The following CDHR2 variants were observed in gnomAD, a reference collection of about 807,000 sequenced individuals.
CDHR2 encodes cadherin-related family member 2.
Under a neutral mutation model 138.6 loss-of-function variants are expected in CDHR2, and 104 were observed. That is an observed-to-expected ratio of 0.75 (90% CI 0.64 to 0.88). The LOEUF is 0.88. Ranked by LOEUF, CDHR2 falls within the 40% of genes least tolerant of loss-of-function variation. The pLI is 0.00. For synonymous variants in CDHR2, 755 were observed against 742.8 expected, an observed-to-expected ratio of 1.02 and a Z score of -0.27; for missense variants, 1,624 against 1,727.6, an observed-to-expected ratio of 0.94 and a Z score of 1.06.
intron 20 of CDHR2, 67 bp downstream of exon 20, chr5:176,586,092 A>G: frequency 7.6e-7 from 1 of 1,311,246 alleles, no homozygotes; most frequent in Non-Finnish European, 1.1e-6. Flanking sequence ...CAACCCCGAC[A>G]GACCCTCCTT....
intron 18 of CDHR2, 51 bp from the exon 19 acceptor site, chr5:176,584,359 C>A: frequency 6.2e-7 from 1 of 1,610,034 alleles, no homozygotes; most frequent in Non-Finnish European, 8.5e-7. Flanking sequence ...GCAGAGGAGG[C>A]TTCCGATGGC....
chr5:176,571,422 G>C (rs1289964943), intron 6 of CDHR2, 120 bp downstream of exon 6: 1 of 603,432 alleles, frequency 1.7e-6, no homozygotes, highest in Non-Finnish European at 2.7e-6. Context: ...TCCTAGCAGG[G>C]GCAGCTTCAA....
intron 31 of CDHR2, among the ~76,000 whole-genome samples, chr5:176,594,634 TTGAGGGCTC>T (rs1758972614): frequency 6.6e-6 from 1 of 152,188 alleles, no homozygotes; most frequent in Non-Finnish European, 1.5e-5. Flanking sequence ...GGGGTCTGTC[TTGAGGGCTC>T]TGAGGAACAC....
At chr5:176,582,977 C>G (rs969106763) in intron 17 of CDHR2, among the ~76,000 whole-genome samples, 5 of 152,218 alleles carry the variant, frequency 3.3e-5, no homozygotes, top group Admixed American at 2.6e-4. Flanking sequence ...GTGCAGTGCA[C>G]AGCCTGCACC....
chr5:176,567,463 C>A (rs1286707895), intron 3 of CDHR2, among the ~76,000 whole-genome samples: 1 of 151,880 alleles, frequency 6.6e-6, no homozygotes, highest in Non-Finnish European at 1.5e-5. Context: ...AGCCACTGTG[C>A]ACCACTACAC....
In CDHR2 at chr5:176,577,405, A is replaced by G; in HGVS notation, c.1201A>G (p.Asn401Asp). The change falls in exon 13 of 32, where the codon AAT (asparagine) becomes GAT (aspartate). Residue 401 changes from asparagine to aspartate, a missense_variant. Coordinates refer to ENST00000261944, the MANE Select transcript of CDHR2 (RefSeq NM_017675.6). ...AGACAGCCCACCTTTACAGGGCAGC[A>G]ATGGCACCTTCCTGTTGTCGCTGGG... ...MVVYDPDKGS[N>D]GTFLLSLGGP... is the part of the protein sequence containing the mutation. 1 of 1,608,176 alleles carries G rather than the reference A, an allele frequency of 6.2e-7. No homozygotes were observed. The highest frequency in any genetic ancestry group is 2.2e-5 in the East Asian group (1 of 44,620).
rs941998342 is a variant in CDHR2 at position 176,543,564 on chromosome 5, C to G, written c.-16+795C>G. On this transcript the variant is annotated intron_variant, in intron 1 of 31. Transcript: ENST00000510636. The surrounding 1 kb of genome is among the most constrained non-coding windows in gnomAD (Gnocchi z 4.0). ...TCAGTCGGCCAGGGGTGCGTAAGGG[C>G]GCGGCGCCTGGGGCCTGGCAGCCTC... 2.6e-5 allele frequency: 4 copies of G among 152,192 alleles called. No individual in the cohort carries two copies. The highest frequency in any genetic ancestry group is 2.0e-4 in the Admixed American group (3 of 15,290). 9.4% of individuals were successfully genotyped at this position (152,192 alleles called of 1,614,324 possible).
chr5:176,569,094 GC>G, intron 5 of CDHR2, 84 bp downstream of exon 5: 1 of 1,287,678 alleles, frequency 7.8e-7, no homozygotes, highest in Non-Finnish European at 1.1e-6. Flanking sequence ...AGCGGACGGT[GC>G]CCCAGTTAAC....
chr5:176,572,499 GCTGA>G (rs1460580780), intron 6 of CDHR2, among the ~76,000 whole-genome samples: 1 of 152,192 alleles, frequency 6.6e-6, no homozygotes, highest in Non-Finnish European at 1.5e-5. Flanking sequence ...AAAGCCCAGG[GCTGA>G]CTTTCATTGG....
rs1581129555 is a variant in CDHR2 at position 176,553,918 on chromosome 5, C to G, written c.-16+4504C>G. On this transcript the variant is annotated intron_variant, in intron 1 of 31. Coordinates refer to ENST00000261944, the MANE Select transcript of CDHR2 (RefSeq NM_017675.6). The surrounding 1 kb of genome is among the most constrained non-coding windows in gnomAD (Gnocchi z 4.3). The stretch of plus-strand genomic sequence containing the variant: ...CCACCTCACTCACTGCCCTTGACTC[C>G]AGCGCTATGATGTCACTCTCCAGGG... 6.6e-6 allele frequency among the ~76,000 whole-genome samples: 1 copy of G among 152,322 alleles called. No individual in the cohort carries two copies. Among genetic ancestry groups the G allele is most frequent in the Middle Eastern group, 3.4e-3 (1 of 294 alleles).
chr5:176,558,667 G>A (rs1179121383), intron 1 of CDHR2, among the ~76,000 whole-genome samples: 3 of 152,150 alleles, frequency 2.0e-5, no homozygotes, highest in Non-Finnish European at 4.4e-5. Context: ...TTACAGGCGT[G>A]AGCCACCGCG....
At chr5:176,566,352 G>A (rs1159770296) in intron 3 of CDHR2, among the ~76,000 whole-genome samples, 1 of 152,174 alleles carries the variant, frequency 6.6e-6, no homozygotes, top group Non-Finnish European at 1.5e-5. Context: ...TCATGGCAGC[G>A]GTGCAGGAAC....
At position 176,589,552 on chromosome 5, in the gene CDHR2, C is replaced by A. The variant is rs774915519; in HGVS notation, c.3142C>A (p.Arg1048Ser). The part of the protein sequence containing the change: ...LNLFTVDQSY[R>S]SRLQFSTPKE... ...GCTCTTCACCGTGGACCAGAGTTAC[C>A]GCTCGCGGCTGCAGTTCTCCACACC... Residue 1048 changes from arginine (R) to serine (S), a missense_variant, in exon 24 of 32, where the codon CGC becomes AGC. By Grantham distance (110) the Arg-to-Ser change is moderately radical (BLOSUM62 -1). This residue lies in a region of CDHR2 where 556 missense variants were observed against 565.7 expected (regional missense o/e 0.98). Coordinates refer to ENST00000261944, the MANE Select transcript of CDHR2 (RefSeq NM_017675.6). 6.2e-7 allele frequency: 1 copy of A among 1,614,110 alleles called. No individual in the cohort carries two copies. The highest frequency in any genetic ancestry group is 8.5e-7 in the Non-Finnish European group (1 of 1,180,028).
chr5:176,574,762 T>C (rs1758323736), intron 7 of CDHR2, among the ~76,000 whole-genome samples: 1 of 152,234 alleles, frequency 6.6e-6, no homozygotes, highest in Admixed American at 6.5e-5. Flanking sequence ...GGGAAAAAGT[T>C]TGTACACCTT....
At position 176,581,572 on chromosome 5, in the gene CDHR2, T is replaced by C. The variant is rs1394947723; in HGVS notation, c.2048T>C (p.Ile683Thr). 6.8e-6 allele frequency: 11 copies of C among 1,613,572 alleles called. No individual in the cohort carries two copies. The highest frequency in any genetic ancestry group is 9.3e-6 in the Non-Finnish European group (11 of 1,180,024). ...CTCGGCACCAAAGTCAATGTCACCA[T>C]CACTGTGGAGGTAAGGCCTCGCTTA... ...PVLGTKVNVT[I>T]TVEDINDNLP... Residue 683 changes from isoleucine (I) to threonine (T), a missense_variant, in exon 17 of 32, where the codon ATC becomes ACC. Ile to Thr is a moderately conservative substitution (Grantham distance 89). This residue lies in a region of CDHR2 where 1,061 missense variants were observed against 1,136.6 expected (regional missense o/e 0.93). Coordinates refer to ENST00000261944, the MANE Select transcript of CDHR2 (RefSeq NM_017675.6).
At chr5:176,580,240 C>G (rs889259681) in intron 16 of CDHR2, among the ~76,000 whole-genome samples, 1 of 152,006 alleles carries the variant, frequency 6.6e-6, no homozygotes, top group African/African-American at 2.4e-5. Flanking sequence ...AAACATATAG[C>G]GCTGACGGCC....
In CDHR2 at chr5:176,543,334, G is replaced by T. The variant is rs1391110383; in HGVS notation, c.-16+565G>T. ...TCCCGCTGCAGCCCAGGCTCGCGGT[G>T]CGGCTGCGGCCCGCGCGCCGCCTGC... On this transcript the variant is annotated intron_variant, in intron 1 of 31. Coordinates refer to the CDHR2 transcript ENST00000510636. This position sits in a 1 kb window ranked among gnomAD's most constrained non-coding sequence, Gnocchi z 4.0. 1.4e-5 allele frequency among the ~76,000 whole-genome samples: 2 copies of T among 147,844 alleles called. No individual in the cohort carries two copies. Among genetic ancestry groups the T allele is most frequent in the African/African-American group, 4.9e-5 (2 of 40,944 alleles).
At chr5:176,568,060 A>G (rs1339925525) in intron 3 of CDHR2, among the ~76,000 whole-genome samples, 3 of 152,252 alleles carry the variant, frequency 2.0e-5, no homozygotes, top group Non-Finnish European at 4.4e-5. Context: ...TCATGAAAAG[A>G]AGAAAGTCCT....
intron 17 of CDHR2, 68 bp from the exon 18 acceptor site, chr5:176,584,122 G>A: frequency 5.2e-6 from 7 of 1,341,536 alleles, no homozygotes; most frequent in Non-Finnish European, 7.5e-6. Context: ...GGGATTATTG[G>A]TTTCTCGGAT....
Sources: gnomAD v4.1 joint callset for allele counts (sites outside exome capture counted in the v4.1 genomes callset) on GRCh38, gnomAD v4.1.1 for gene constraint, gnomAD v4.1.1 regional missense constraint, Gnocchi (gnomAD v3.1) non-coding constraint, MANE v1.5 for transcripts, NCBI Gene and HGNC (gene_info 2026-07-23, HGNC 2026-07-21) for gene names.